TMEM17: variants seen among roughly 807,000 people sequenced by gnomAD.
TMEM17 encodes the protein transmembrane protein 17.
Under a neutral mutation model 19.1 loss-of-function variants are expected in TMEM17, and 15 were observed. The observed-to-expected ratio is 0.78, with a 90% CI of 0.52 to 1.21. The LOEUF (loss-of-function observed/expected upper bound fraction) is 1.21, where lower values mean the gene tolerates loss of function less well. TMEM17 is among the 50% of genes most tolerant of loss of function. The pLI is 0.00. For missense variants in TMEM17, 245 were observed against 242.3 expected, an observed-to-expected ratio of 1.01 and a Z score of -0.07; for synonymous variants, 103 against 86.9, an observed-to-expected ratio of 1.19 and a Z score of -1.03.
chr2:62,489,528 T>C, the TMEM17 span, among the ~76,000 whole-genome samples: 2 of 152,184 alleles, frequency 1.3e-5, no homozygotes, highest in Admixed American at 1.3e-4. Flanking sequence ...GTATTTTTGT[T>C]TTGTCTTTTT....
chr2:62,454,881 T>C, the TMEM17 span, among the ~76,000 whole-genome samples: 136 of 152,274 alleles, frequency 8.9e-4, no homozygotes, highest in African/African-American at 3.0e-3. Flanking sequence ...CTTTTTTGTA[T>C]TTTTAATGGA....
At chr2:62,478,991 G>A in the TMEM17 span, among the ~76,000 whole-genome samples, 3 of 152,278 alleles carry the variant, frequency 2.0e-5, no homozygotes, top group East Asian at 5.8e-4. Flanking sequence ...ACATAGTGAT[G>A]TTTTGATACA....
At chr2:62,495,734 G>A (rs58068368), downstream of TMEM17, among the ~76,000 whole-genome samples, 1,831 of 152,214 alleles carry the variant, frequency 0.012, 30 homozygotes, top group African/African-American at 0.042. Flanking sequence ...TTTTTGAGCC[G>A]TTTAAGACCA....
the TMEM17 span, among the ~76,000 whole-genome samples, chr2:62,486,509 C>G: frequency 5.3e-5 from 8 of 152,204 alleles, no homozygotes; most frequent in Non-Finnish European, 1.5e-5. Context: ...TGAAGTTGCT[C>G]AGTTACTTTT....
At chr2:62,503,412 A>G (rs1251460219) in intron 1 of TMEM17, among the ~76,000 whole-genome samples, 3 of 151,900 alleles carry the variant, frequency 2.0e-5, no homozygotes, top group Admixed American at 6.6e-5. Context: ...AAAGAACCAC[A>G]CTCCCCTCCC....
the TMEM17 span, among the ~76,000 whole-genome samples, chr2:62,479,565 T>C: frequency 6.6e-6 from 1 of 152,160 alleles, no homozygotes; most frequent in African/African-American, 2.4e-5. Flanking sequence ...GTCTCTGATA[T>C]ACTGATTTCC....
chr2:62,468,038 G>A, the TMEM17 span, among the ~76,000 whole-genome samples: 2 of 152,156 alleles, frequency 1.3e-5, no homozygotes, highest in Admixed American at 6.5e-5. Flanking sequence ...TTGGGGTTGA[G>A]GAGTTGTTAG....
At chr2:62,484,283 G>C in the TMEM17 span, among the ~76,000 whole-genome samples, 1 of 152,128 alleles carries the variant, frequency 6.6e-6, no homozygotes, top group Non-Finnish European at 1.5e-5. Context: ...TGTTCCCATT[G>C]AACAGTTGGG....
the TMEM17 span, among the ~76,000 whole-genome samples, chr2:62,480,540 T>G: frequency 6.6e-6 from 1 of 152,210 alleles, no homozygotes; most frequent in South Asian, 2.1e-4. Context: ...AGTAGTTTTA[T>G]AGTTTCAGGT....
At chr2:62,479,372 TTCCA>T in the TMEM17 span, among the ~76,000 whole-genome samples, 2 of 152,244 alleles carry the variant, frequency 1.3e-5, no homozygotes, top group Non-Finnish European at 2.9e-5. Flanking sequence ...TGTCCTCCAG[TTCCA>T]TCCATGTTGC....
chr2:62,464,508 C>T, the TMEM17 span, among the ~76,000 whole-genome samples: 34 of 152,292 alleles, frequency 2.2e-4, no homozygotes, highest in East Asian at 4.8e-3. Flanking sequence ...TATGACATAC[C>T]GAGAAAGACA....
chr2:62,485,051 C>A, the TMEM17 span, among the ~76,000 whole-genome samples: 1 of 152,244 alleles, frequency 6.6e-6, no homozygotes, highest in African/African-American at 2.4e-5. Context: ...AATCCTCCCA[C>A]CCTAGCCTCC....
At chr2:62,496,129 CAGAAATACAA>C (rs1679772994), downstream of TMEM17, among the ~76,000 whole-genome samples, 3 of 151,966 alleles carry the variant, frequency 2.0e-5, no homozygotes, top group South Asian at 4.2e-4. Flanking sequence ...GGTAACTACT[CAGAAATACAA>C]AGACAAATGG....
the TMEM17 span, among the ~76,000 whole-genome samples, chr2:62,492,077 G>A: frequency 0.31 from 47,150 of 151,940 alleles, 8,217 homozygotes; most frequent in South Asian, 0.5. Flanking sequence ...CCTAGAAGTC[G>A]GAGGGTCCAA....
At chr2:62,503,592 C>G (rs978390318) in intron 1 of TMEM17, among the ~76,000 whole-genome samples, 7 of 152,224 alleles carry the variant, frequency 4.6e-5, no homozygotes, top group Non-Finnish European at 7.3e-5. Context: ...TCCTCACAGG[C>G]TGTTTGTGAG....
chr2:62,502,178 CA>C (rs1279028032), intron 3 of TMEM17: 1 of 224,748 alleles, frequency 4.4e-6, no homozygotes, highest in African/African-American at 2.3e-5. Context: ...GTGTTTACTA[CA>C]TTCATATACT....
the TMEM17 span, among the ~76,000 whole-genome samples, chr2:62,459,185 G>T: frequency 2.0e-5 from 3 of 152,232 alleles, no homozygotes; most frequent in African/African-American, 7.2e-5. Context: ...GGAGTCAGAG[G>T]TGGTTTTCAT....
chr2:62,475,925 T>A, the TMEM17 span, among the ~76,000 whole-genome samples: 1 of 151,930 alleles, frequency 6.6e-6, no homozygotes, highest in Non-Finnish European at 1.5e-5. Flanking sequence ...AGTTGGCAAA[T>A]GTAAGAATGT....
the TMEM17 span, among the ~76,000 whole-genome samples, chr2:62,475,454 C>T: frequency 6.6e-6 from 1 of 152,256 alleles, no homozygotes; most frequent in Non-Finnish European, 1.5e-5. Flanking sequence ...GGCCTTGCTT[C>T]AACAAGTCAC....
Sources: allele counts gnomAD v4.1 joint callset (sites outside exome capture counted in the v4.1 genomes callset), GRCh38; gene constraint gnomAD v4.1.1; transcripts MANE v1.5; gene names NCBI Gene and HGNC (gene_info 2026-07-23, HGNC 2026-07-21).